CYP2J2: variants seen among roughly 807,000 people sequenced by gnomAD.
CYP2J2 encodes the protein cytochrome P450 family 2 subfamily J member 2, also known as cytochrome P450 2J2.
CYP2J2 carries 41 observed loss-of-function variants against 48.8 expected under a neutral mutation model. That is an observed-to-expected ratio of 0.84 (90% confidence interval 0.66 to 1.09). The LOEUF is 1.09. Among genes scored for constraint, CYP2J2 ranks in the 50% least tolerant of loss-of-function variants. CYP2J2 has a pLI of 0.00. For missense variants in CYP2J2, 644 were observed against 617.3 expected (o/e 1.04, Z -0.46); for synonymous variants, 221 against 227.1 (o/e 0.97, Z 0.24).
At chr1:59,897,438 A>G (rs1457656492) in intron 8 of CYP2J2, among the ~76,000 whole-genome samples, 2 of 152,212 alleles carry the variant, frequency 1.3e-5, no homozygotes, top group South Asian at 2.1e-4. Flanking sequence ...AAGGATCCCA[A>G]TGCAATGGCA....
chr1:59,935,015 CATATATATAT>C, the CYP2J2 span, among the ~76,000 whole-genome samples: 4,648 of 47,414 alleles, frequency 0.098, 347 homozygotes, highest in South Asian at 0.23. Context: ...TATATATATA[CATATATATAT>C]ATATATATAT....
chr1:59,946,235 G>GC, the CYP2J2 span, among the ~76,000 whole-genome samples: 1 of 152,222 alleles, frequency 6.6e-6, no homozygotes, highest in Admixed American at 6.5e-5. Context: ...TTGGCACCCT[G>GC]CCCTCCTTAA....
At chr1:59,943,189 A>G in the CYP2J2 span, among the ~76,000 whole-genome samples, 18 of 152,208 alleles carry the variant, frequency 1.2e-4, no homozygotes, top group Admixed American at 1.1e-3. Context: ...TTTAGGTCAC[A>G]GGACTGGACG....
chr1:59,899,465 T>C (rs956502744), intron 8 of CYP2J2, among the ~76,000 whole-genome samples: 1 of 152,210 alleles, frequency 6.6e-6, no homozygotes, highest in South Asian at 2.1e-4. Context: ...ACATGGGTCA[T>C]TCCGTTTCTG....
chr1:59,928,151 G>C (rs748101683), upstream of CYP2J2, among the ~76,000 whole-genome samples: 5 of 151,980 alleles, frequency 3.3e-5, no homozygotes, highest in Non-Finnish European at 7.4e-5. Context: ...GCTCATTCCC[G>C]TATCAGTGGA....
At chr1:59,955,173 T>TAAA in the CYP2J2 span, among the ~76,000 whole-genome samples, 4 of 125,556 alleles carry the variant, frequency 3.2e-5, no homozygotes, top group African/African-American at 1.4e-4. Context: ...AAATAAATAA[T>TAAA]TAAAAAAATA....
chr1:59,967,346 CA>C, the CYP2J2 span, among the ~76,000 whole-genome samples: 1 of 152,178 alleles, frequency 6.6e-6, no homozygotes, highest in Non-Finnish European at 1.5e-5. Flanking sequence ...CAGAGCTTGG[CA>C]AAGCATGAGC....
At chr1:59,927,356 T>A (rs1201882571), upstream of CYP2J2, among the ~76,000 whole-genome samples, 1 of 152,112 alleles carries the variant, frequency 6.6e-6, no homozygotes, top group Non-Finnish European at 1.5e-5. Flanking sequence ...TTAATTAACA[T>A]TTGTTGAAGG....
chr1:59,961,445 G>C, the CYP2J2 span, among the ~76,000 whole-genome samples: 1 of 152,234 alleles, frequency 6.6e-6, no homozygotes, highest in South Asian at 2.1e-4. Flanking sequence ...ACCCACTAGA[G>C]TGGCTATAAT....
chr1:59,907,854 C>G lies in CYP2J2; in HGVS notation c.935G>C (p.Gly312Ala), dbSNP rs1644378347. ...ICSTLDLFFAGTETTSTTLRW... is the reference protein window; with the variant it reads ...ICSTLDLFFAATETTSTTLRW... Reference sequence around the variant, plus strand: ...CAGAGTTGTGGAAGTTGTCTCGGTTCCGGCAAAGAAGAGGTCCAGGGTGCT... The same window carrying G: ...CAGAGTTGTGGAAGTTGTCTCGGTTGCGGCAAAGAAGAGGTCCAGGGTGCT... The change falls in exon 6 of 9, where the codon GGA becomes GCA. Residue 312 changes from glycine (G) to alanine (A), a missense_variant. Gly to Ala is a moderately conservative substitution (Grantham distance 60). Coordinates refer to ENST00000371204, the MANE Select transcript of CYP2J2 (RefSeq NM_000775.4). The G allele has an allele frequency of 6.8e-6, 11 of 1,613,910 alleles. No homozygotes were observed. The highest frequency in any genetic ancestry group is 9.3e-6 in the Non-Finnish European group (11 of 1,179,990).
chr1:59,961,537 G>T, the CYP2J2 span, among the ~76,000 whole-genome samples: 1 of 152,138 alleles, frequency 6.6e-6, no homozygotes, highest in Non-Finnish European at 1.5e-5. Context: ...ATGAAAAATG[G>T]TGAAGCCATT....
At chr1:59,903,493 A>C (rs910677460) in intron 7 of CYP2J2, among the ~76,000 whole-genome samples, 1 of 152,214 alleles carries the variant, frequency 6.6e-6, no homozygotes, top group Non-Finnish European at 1.5e-5. Context: ...ATCGACATAA[A>C]GATAGGAACA....
At chr1:59,912,575 A>C in intron 2 of CYP2J2, 1 of 323,220 alleles carries the variant, frequency 3.1e-6, no homozygotes, top group Non-Finnish European at 5.6e-6. Context: ...TACAATTATT[A>C]CCACCCCACA....
At chr1:59,967,394 C>G in the CYP2J2 span, among the ~76,000 whole-genome samples, 1 of 152,162 alleles carries the variant, frequency 6.6e-6, no homozygotes, top group Admixed American at 6.5e-5. Context: ...TAAAACTCGA[C>G]CTATTCTTTG....
chr1:59,899,026 G>C (rs1644293398), intron 8 of CYP2J2, among the ~76,000 whole-genome samples: 1 of 152,172 alleles, frequency 6.6e-6, no homozygotes, highest in Admixed American at 6.5e-5. Flanking sequence ...AGGTATCCAG[G>C]CATCACTTAG....
chr1:59,894,096 T>C (rs1271064339), intron 8 of CYP2J2, among the ~76,000 whole-genome samples: 1 of 152,050 alleles, frequency 6.6e-6, no homozygotes, highest in Non-Finnish European at 1.5e-5. Context: ...TGTAGGACCA[T>C]AGAAGCGGAA....
chr1:59,912,563 G>A, intron 2 of CYP2J2: 1 of 361,240 alleles, frequency 2.8e-6, no homozygotes. Context: ...CTCTGGGATA[G>A]GTACAATTAT....
At chr1:59,924,733 TAGGAAA>T (rs955128428) in intron 1 of CYP2J2, among the ~76,000 whole-genome samples, 9 of 151,608 alleles carry the variant, frequency 5.9e-5, no homozygotes, top group African/African-American at 9.7e-5. Flanking sequence ...CACAGGAAGA[TAGGAAA>T]AGGAAAACAG....
chr1:59,900,153 C>T (rs1398729209), intron 8 of CYP2J2, among the ~76,000 whole-genome samples: 1 of 152,150 alleles, frequency 6.6e-6, no homozygotes, highest in African/African-American at 2.4e-5. Flanking sequence ...GGCCAAAGAA[C>T]CTTTTCAAGG....
Sources: allele counts gnomAD v4.1 joint callset (sites outside exome capture counted in the v4.1 genomes callset), GRCh38; gene constraint gnomAD v4.1.1; transcripts MANE v1.5; gene names NCBI Gene and HGNC (gene_info 2026-07-23, HGNC 2026-07-21).